Variants in NHS observed in about 807,000 individuals in gnomAD.
NHS encodes NHS actin remodeling regulator.
NHS carries 5 observed loss-of-function variants against 72.5 expected under a neutral mutation model. The observed-to-expected ratio is 0.07, with a 90% CI of 0.04 to 0.14. The LOEUF is 0.14. Among genes scored for constraint, NHS ranks in the 10% least tolerant of loss-of-function variants. The pLI is 1.00. For missense variants in NHS, 1,072 were observed against 1,355.7 expected, an observed-to-expected ratio of 0.79 and a Z score of 3.29; for synonymous variants, 464 against 547.7, an observed-to-expected ratio of 0.85 and a Z score of 2.13.
chrX:17,626,449 T>C (rs938677547), intron 1 of NHS, among the ~76,000 whole-genome samples: 2 of 112,161 alleles, frequency 1.8e-5, no homozygotes, highest in Non-Finnish European at 3.8e-5. Flanking sequence ...ACCTTGTTTC[T>C]GAAACAGCTG....
At chrX:17,494,823 C>T (rs2065005228) in intron 1 of NHS, among the ~76,000 whole-genome samples, 1 of 112,334 alleles carries the variant, frequency 8.9e-6, no homozygotes, top group Non-Finnish European at 1.9e-5. Context: ...CATGTGCATG[C>T]CATTGAGGAA....
intron 4 of NHS, 142 bp from the exon 5 acceptor site, chrX:17,721,299 T>C: frequency 1.8e-6 from 1 of 544,375 alleles, no homozygotes; most frequent in Non-Finnish European, 3.2e-6. Context: ...TAGTTGTGCT[T>C]ACTAACTATT....
chrX:17,708,029 G>T (rs7883786), intron 3 of NHS, among the ~76,000 whole-genome samples: 1 of 111,485 alleles, frequency 9.0e-6, no homozygotes, highest in Middle Eastern at 4.3e-3. Flanking sequence ...AGCTCTCTCA[G>T]AAGTATTCTG....
rs2064341639 is a variant in NHS at position 17,375,723 on chromosome X, G to A, written c.-35G>A. 5.2e-6 allele frequency: 6 copies of A among 1,151,150 alleles called. No homozygotes were observed. In the East Asian group the frequency reaches 2.0e-4, roughly 38 times the overall value. 94.9% of individuals were successfully genotyped at this position (1,151,150 alleles called of 1,213,427 possible). On this transcript the variant is annotated 5_prime_UTR_variant, in exon 1 of 9. Coordinates refer to ENST00000676302, the MANE Select transcript of NHS (RefSeq NM_001291867.2). ...GGTCTCCAGCTCACAGGGGCGCTTG[G>A]AGGAGACCAGAAAGTCGCCGCCTGG...
rs376693067 is a variant in NHS, at chrX:17,726,166, A to G, written c.2060A>G (p.Tyr687Cys). The change falls in exon 7 of 9, where the codon TAC becomes TGC. Residue 687 changes from tyrosine (Y) to cysteine (C), a missense_variant. By Grantham distance (194) the Tyr-to-Cys change is radical. Transcript: ENST00000676302. Reference sequence around the variant, plus strand: ...GCCAGTGTTTTCGTGACAGAGCAATACAATGACCACTTGGATAAAGTGAGA... The same window carrying G: ...GCCAGTGTTTTCGTGACAGAGCAATGCAATGACCACTTGGATAAAGTGAGA... ...EDASVFVTEQ[Y>C]NDHLDKVRGH... The G allele has an allele frequency of 2.1e-5, 26 of 1,210,588 alleles. No homozygotes were observed. Among genetic ancestry groups the G allele is most frequent in the Non-Finnish European group, 2.3e-5 (21 of 895,366 alleles).
intron 1 of NHS, among the ~76,000 whole-genome samples, chrX:17,426,560 A>G (rs954237953): frequency 1.8e-5 from 2 of 112,217 alleles, no homozygotes; most frequent in African/African-American, 6.5e-5. Flanking sequence ...AATTTAGATC[A>G]TTAAATAATT....
chrX:17,501,599 C>T (rs1455147705), intron 1 of NHS, among the ~76,000 whole-genome samples: 1 of 110,727 alleles, frequency 9.0e-6, no homozygotes, highest in Non-Finnish European at 1.9e-5. Context: ...TAGTGGTGGG[C>T]GCCTATATTC....
chrX:17,673,807 G>A (rs375855973), intron 1 of NHS, among the ~76,000 whole-genome samples: 3 of 111,800 alleles, frequency 2.7e-5, no homozygotes, highest in East Asian at 5.6e-4. Flanking sequence ...ATTCCAAATG[G>A]TTTAACCTAA....
At chrX:17,650,832 A>G (rs754820062) in intron 1 of NHS, among the ~76,000 whole-genome samples, 19 of 112,621 alleles carry the variant, frequency 1.7e-4, no homozygotes, top group Admixed American at 5.6e-4. Flanking sequence ...TTTGGAGCAT[A>G]TAACAGCTAA....
At chrX:17,427,035 G>A (rs1397324283) in intron 1 of NHS, among the ~76,000 whole-genome samples, 1 of 112,035 alleles carries the variant, frequency 8.9e-6, no homozygotes, top group Non-Finnish European at 1.9e-5. Flanking sequence ...AGATCACTTG[G>A]CATGCTCGGC....
At chrX:17,565,524 A>G (rs1446239012) in intron 1 of NHS, among the ~76,000 whole-genome samples, 3 of 112,353 alleles carry the variant, frequency 2.7e-5, no homozygotes, top group Non-Finnish European at 5.6e-5. Flanking sequence ...TTTGACTTCA[A>G]ATAGAGAGCA....
intron 1 of NHS, among the ~76,000 whole-genome samples, chrX:17,445,213 G>A (rs1398254697): frequency 1.8e-5 from 2 of 111,405 alleles, no homozygotes; most frequent in Non-Finnish European, 3.8e-5. Context: ...CAGGATCTGT[G>A]TTAGGCTGGG....
At chrX:17,623,269 G>A (rs2065782842) in intron 1 of NHS, among the ~76,000 whole-genome samples, 1 of 111,763 alleles carries the variant, frequency 8.9e-6, no homozygotes, top group Non-Finnish European at 1.9e-5. Flanking sequence ...CCCCTGCAAA[G>A]TGTTGTTGGC....
At chrX:17,536,385 C>G (rs1284386188) in intron 1 of NHS, among the ~76,000 whole-genome samples, 2 of 111,637 alleles carry the variant, frequency 1.8e-5, no homozygotes, top group East Asian at 2.8e-4. Flanking sequence ...AACAAACAAA[C>G]AAACAAAAAA....
chrX:17,727,094 C>A lies in NHS; in HGVS notation c.2988C>A (p.Thr996=). Reference sequence around the variant, plus strand: ...CATCACAATCAGAATCAAGAGCCACCACCCCATCTCTTCCTTCTGTTGACA... The same window carrying A: ...CATCACAATCAGAATCAAGAGCCACAACCCCATCTCTTCCTTCTGTTGACA... ...SQTSQSESRA[T]TPSLPSVDNE... is the part of the protein sequence containing the mutation. The change falls in exon 7 of 9, where the codon ACC becomes ACA. Residue 996 remains threonine, a synonymous_variant. Transcript: ENST00000676302. The A allele has an allele frequency of 8.3e-7, 1 of 1,211,878 alleles. No individual in the cohort carries two copies. The highest frequency in any genetic ancestry group is 1.1e-6 in the Non-Finnish European group (1 of 895,536).
At chrX:17,453,020 C>T (rs1263708450) in intron 1 of NHS, among the ~76,000 whole-genome samples, 1 of 112,122 alleles carries the variant, frequency 8.9e-6, no homozygotes, top group East Asian at 2.8e-4. Flanking sequence ...CCCTGGATCC[C>T]TTGCTTTGAG....
At chrX:17,401,286 C>T (rs1439044191) in intron 1 of NHS, among the ~76,000 whole-genome samples, 1 of 111,775 alleles carries the variant, frequency 8.9e-6, no homozygotes, top group Non-Finnish European at 1.9e-5. Context: ...CTATAAAGCT[C>T]TTATAAGCAA....
At chrX:17,413,513 G>C (rs1199215752) in intron 1 of NHS, among the ~76,000 whole-genome samples, 1 of 112,160 alleles carries the variant, frequency 8.9e-6, no homozygotes, top group Non-Finnish European at 1.9e-5. Context: ...CCACAAGCTT[G>C]GTTAGATTGA....
rs938141224 is a variant in NHS at position 17,547,093 on chromosome X, T to C, written c.566-140649T>C. Among the ~76,000 whole-genome samples, 4 of 112,394 alleles carry C rather than the reference T, an allele frequency of 3.6e-5. No homozygotes were observed. The Admixed American group carries it at 3.7e-4, about 10-fold the overall frequency. The stretch of plus-strand genomic sequence containing the variant: ...TGCTGCAGGGTGCCCAGAGCTAAAC[T>C]TTTTCTTGCATTGGGAAGGTGGTAC... On this transcript the variant is annotated intron_variant, in intron 1 of 8. Transcript: ENST00000676302.
Sources: gnomAD v4.1 joint callset for allele counts (sites outside exome capture counted in the v4.1 genomes callset) on GRCh38, gnomAD v4.1.1 for gene constraint, MANE v1.5 for transcripts, NCBI Gene and HGNC (gene_info 2026-07-23, HGNC 2026-07-21) for gene names.